Variants in SFMBT2 observed in about 807,000 individuals in gnomAD.
The protein encoded by SFMBT2 is scm-like with four MBT domains protein 2.
Under a neutral mutation model 110.1 loss-of-function variants are expected in SFMBT2, and 38 were observed. That is an observed-to-expected ratio of 0.35 (90% CI 0.27 to 0.45). The LOEUF (loss-of-function observed/expected upper bound fraction) is 0.45, where lower values mean the gene tolerates loss of function less well. Among genes scored for constraint, SFMBT2 ranks in the 20% least tolerant of loss-of-function variants. SFMBT2 has a pLI of 1.00. For missense variants in SFMBT2, 1,011 were observed against 1,094.9 expected, an observed-to-expected ratio of 0.92 and a Z score of 1.08; for synonymous variants, 425 against 425.4, an observed-to-expected ratio of 1.00 and a Z score of 0.01.
rs1384356415 is a variant in SFMBT2, at chr10:7,227,674, A to G, written c.1203+181T>C. 4.6e-5 allele frequency among the ~76,000 whole-genome samples: 7 copies of G among 152,250 alleles called. No individual in the cohort carries two copies. In the East Asian group the frequency reaches 1.3e-3, roughly 29 times the overall value. ...ATTAGTCAATTTGTTAGCACAGACC[A>G]GCATCACCCTAGCAAATATACAACC... On this transcript the variant is annotated intron_variant, in intron 10 of 20. Coordinates refer to ENST00000397167, the MANE Select transcript of SFMBT2 (RefSeq NM_001387889.1).
chr10:7,283,052 G>C (rs922070729), intron 6 of SFMBT2, among the ~76,000 whole-genome samples: 5 of 152,124 alleles, frequency 3.3e-5, no homozygotes, highest in African/African-American at 1.2e-4. Flanking sequence ...CCTTAAAACA[G>C]GGGACCTTGG....
chr10:7,166,585 C>T (rs183646789), intron 20 of SFMBT2, among the ~76,000 whole-genome samples: 7 of 152,332 alleles, frequency 4.6e-5, no homozygotes, highest in Non-Finnish European at 1.0e-4. Context: ...CCTCTCTGGA[C>T]ATCCCATGAA....
rs904475719 is a variant in SFMBT2, at chr10:7,160,648, G to A, written c.*3122C>T. 3.3e-5 allele frequency: 5 copies of A among 152,220 alleles called. No individual in the cohort carries two copies. Among genetic ancestry groups the A allele is most frequent in the African/African-American group, 9.6e-5 (4 of 41,452 alleles). The allele number at this position is 152,220 out of a possible 1,614,324, so 9.4% of individuals were successfully genotyped here. ...ACATTGTTGGCCTAGGGGCTATGGT[G>A]GCATCGGGGCACGCATGTCAAATCC... On this transcript the variant is annotated 3_prime_UTR_variant, in exon 21 of 21. Coordinates refer to ENST00000397167, the MANE Select transcript of SFMBT2 (RefSeq NM_001387889.1).
At chr10:7,196,927 C>A (rs1838788945) in intron 15 of SFMBT2, among the ~76,000 whole-genome samples, 1 of 152,232 alleles carries the variant, frequency 6.6e-6, no homozygotes, top group African/African-American at 2.4e-5. Context: ...ATTCACCTGT[C>A]TCTGCAGGTC....
At chr10:7,261,476 G>A (rs1365690186) in intron 7 of SFMBT2, among the ~76,000 whole-genome samples, 1 of 152,182 alleles carries the variant, frequency 6.6e-6, no homozygotes, top group Non-Finnish European at 1.5e-5. Flanking sequence ...GGATCAGGGA[G>A]TGCATGAATC....
chr10:7,271,757 C>T (rs1342814633), intron 7 of SFMBT2, among the ~76,000 whole-genome samples: 4 of 152,188 alleles, frequency 2.6e-5, no homozygotes, highest in Non-Finnish European at 4.4e-5. Context: ...GGGGAGGTCT[C>T]ACAATCATAG....
In SFMBT2 at chr10:7,210,925, G is replaced by T. The variant is rs371072659; in HGVS notation, c.1331-4997C>A. 1.9e-4 allele frequency among the ~76,000 whole-genome samples: 29 copies of T among 152,126 alleles called. No homozygotes were observed. The South Asian group carries it at 5.0e-3, about 26-fold the overall frequency. On this transcript the variant is annotated intron_variant, in intron 11 of 20. Coordinates refer to ENST00000397167, the MANE Select transcript of SFMBT2 (RefSeq NM_001387889.1). ...ATGGGATTAGACGAGTATGGGGGGG[G>T]TGTGGGGAGGGGAGAGAGGAGAGAG...
rs1198404401 is a variant in SFMBT2 at position 7,171,646 on chromosome 10, C to A, written c.2415+249G>T. 3.3e-6 allele frequency: 3 copies of A among 898,602 alleles called. No homozygotes were observed. The highest frequency in any genetic ancestry group is 4.0e-6 in the Non-Finnish European group (3 of 751,014). 55.7% of individuals were successfully genotyped at this position (898,602 alleles called of 1,614,324 possible). A position where few individuals can be genotyped will look rare whatever the true frequency, so the allele number is the denominator to read the frequency against. On this transcript the variant is annotated intron_variant, in intron 19 of 20. Transcript: ENST00000397167. This position sits in a 1 kb window ranked among gnomAD's most constrained non-coding sequence, Gnocchi z 4.9. The stretch of plus-strand genomic sequence containing the variant: ...ACTGTGCCCTCCTCCTGACAAGAAC[C>A]CAGGTGGCACTAAAGCCGTCCAGGA...
intron 4 of SFMBT2, among the ~76,000 whole-genome samples, chr10:7,310,014 G>A (rs574015379): frequency 6.6e-6 from 1 of 152,192 alleles, no homozygotes; most frequent in South Asian, 2.1e-4. Flanking sequence ...ATGTTTAGCA[G>A]TACCCCGGGT....
rs184313555 is a variant in SFMBT2 at position 7,359,929 on chromosome 10, G to A, written c.436+7720C>T. On this transcript the variant is annotated intron_variant, in intron 4 of 20. Coordinates refer to ENST00000397167, the MANE Select transcript of SFMBT2 (RefSeq NM_001387889.1). Reference sequence around the variant, plus strand: ...TTTTCAAAGCATCGATTTCAGAACTGGCCAGAATCCTCTTAGCTTAAAATC... The same window carrying A: ...TTTTCAAAGCATCGATTTCAGAACTAGCCAGAATCCTCTTAGCTTAAAATC... Among the ~76,000 whole-genome samples, 557 of 150,982 alleles carry A rather than the reference G, an allele frequency of 3.7e-3. 8 individuals carry two copies. Among genetic ancestry groups the A allele is most frequent in the African/African-American group, 0.012 (511 of 41,512 alleles).
chr10:7,241,770 T>C (rs984576186), intron 9 of SFMBT2, among the ~76,000 whole-genome samples: 3 of 152,334 alleles, frequency 2.0e-5, no homozygotes, highest in South Asian at 2.1e-4. Context: ...GATCTTTTTA[T>C]GTAATTCATA....
intron 10 of SFMBT2, among the ~76,000 whole-genome samples, chr10:7,226,346 C>G (rs1246845726): frequency 6.6e-6 from 1 of 152,240 alleles, no homozygotes; most frequent in Non-Finnish European, 1.5e-5. Context: ...AGTCATCAAC[C>G]TACTGAATCC....
chr10:7,220,826 C>CTTTCTTTTT (rs756388926), intron 10 of SFMBT2, among the ~76,000 whole-genome samples: 1 of 146,280 alleles, frequency 6.8e-6, no homozygotes. Context: ...ACCCTTCCTT[C>CTTTCTTTTT]TTTTTTTTTT....
At chr10:7,349,828 TC>T (rs2132007821) in intron 4 of SFMBT2, among the ~76,000 whole-genome samples, 1 of 152,172 alleles carries the variant, frequency 6.6e-6, no homozygotes, top group South Asian at 2.1e-4. Context: ...CAAATGTCTG[TC>T]CCCTGTCCAT....
At chr10:7,213,758 TG>T (rs775153652) in intron 11 of SFMBT2, among the ~76,000 whole-genome samples, 2 of 139,428 alleles carry the variant, frequency 1.4e-5, no homozygotes, top group African/African-American at 3.1e-5. Context: ...TGCGAGGCCA[TG>T]GGCGCGGGCA....
intron 10 of SFMBT2, among the ~76,000 whole-genome samples, chr10:7,225,583 G>C (rs1371194209): frequency 1.3e-5 from 2 of 152,134 alleles, no homozygotes; most frequent in Non-Finnish European, 2.9e-5. Context: ...GAGCATCTTG[G>C]TGGACAAATC....
Position 7,396,869 on chromosome 10 carries a change from G to A in SFMBT2, c.-52+13992C>T, listed in dbSNP as rs764180079. Among the ~76,000 whole-genome samples, 155 of 145,898 alleles carry A rather than the reference G, an allele frequency of 1.1e-3. 2 individuals carry two copies. Among genetic ancestry groups the A allele is most frequent in the Non-Finnish European group, 1.9e-3 (126 of 66,614 alleles). ...CAATGAGAACACTTGGACACAGGGT[G>A]GGGAACATCACACACTGGGGCCTGT... On this transcript the variant is annotated intron_variant, in intron 1 of 20. Transcript: ENST00000397167.
At chr10:7,309,006 A>C (rs1273271697) in intron 4 of SFMBT2, among the ~76,000 whole-genome samples, 1 of 152,226 alleles carries the variant, frequency 6.6e-6, no homozygotes, top group East Asian at 1.9e-4. Flanking sequence ...CATGACAGTT[A>C]ATTTTATGTG....
intron 4 of SFMBT2, among the ~76,000 whole-genome samples, chr10:7,324,200 G>T (rs1355819317): frequency 6.6e-6 from 1 of 152,092 alleles, no homozygotes; most frequent in African/African-American, 2.4e-5. Flanking sequence ...GTCCTTTCCT[G>T]AATCAAATGA....
Sources: gnomAD v4.1 joint callset for allele counts (sites outside exome capture counted in the v4.1 genomes callset) on GRCh38, gnomAD v4.1.1 for gene constraint, Gnocchi (gnomAD v3.1) non-coding constraint, MANE v1.5 for transcripts, NCBI Gene and HGNC (gene_info 2026-07-23, HGNC 2026-07-21) for gene names.